SLF1: variants seen among roughly 807,000 people sequenced by gnomAD.
SLF1 encodes SMC5-SMC6 complex localization factor protein 1.
In SLF1, 105 loss-of-function variants were observed where a neutral mutation model predicts 123.0. The observed-to-expected ratio is 0.85, with a 90% CI of 0.73 to 1.00. The LOEUF is 1.00. Ranked by LOEUF, SLF1 falls within the 50% of genes least tolerant of loss-of-function variation. The pLI, the probability that SLF1 is intolerant of heterozygous loss-of-function variation, is 0.00. For missense variants in SLF1, 1,239 were observed against 1,223.0 expected (o/e 1.01, Z -0.20); for synonymous variants, 434 against 406.6 (o/e 1.07, Z -0.81).
chr5:94,635,916 G>C (rs1284977377), intron 4 of SLF1, among the ~76,000 whole-genome samples: 3 of 152,038 alleles, frequency 2.0e-5, no homozygotes, highest in Non-Finnish European at 4.4e-5. Flanking sequence ...TATGTTTTAT[G>C]TTATTAGTGG....
At chr5:94,684,270 A>T (rs1298785647) in intron 15 of SLF1, among the ~76,000 whole-genome samples, 2 of 152,198 alleles carry the variant, frequency 1.3e-5, no homozygotes, top group Non-Finnish European at 2.9e-5. Flanking sequence ...ATAATTAGAG[A>T]TTAAATGTTC....
At chr5:94,644,334 C>G (rs1585135668) in intron 5 of SLF1, among the ~76,000 whole-genome samples, 1 of 152,102 alleles carries the variant, frequency 6.6e-6, no homozygotes, top group East Asian at 1.9e-4. Context: ...AAAGAGCAAT[C>G]AAAATGCTCT....
intron 5 of SLF1, among the ~76,000 whole-genome samples, chr5:94,644,732 A>G (rs780879484): frequency 6.6e-6 from 1 of 152,182 alleles, no homozygotes; most frequent in Admixed American, 6.5e-5. Flanking sequence ...AGGTTCACCT[A>G]TGTGTTCTCA....
At chr5:94,635,517 G>T (rs1470540001) in intron 4 of SLF1, among the ~76,000 whole-genome samples, 1 of 150,768 alleles carries the variant, frequency 6.6e-6, no homozygotes, top group African/African-American at 2.4e-5. Context: ...TTCTTCCTAT[G>T]TTGCTGTCTT....
chr5:94,643,334 C>G lies in SLF1; in HGVS notation c.493C>G (p.His165Asp). Residue 165 changes from histidine (H) to aspartate (D), a missense_variant, in exon 5 of 21, where the codon CAT becomes GAT. Transcript: ENST00000265140. ...AAAAAGTTCACCAAGTGGAATAACT[C>G]ATGTGATTGCCAGTAATGCAAGAAT... Reference protein sequence around the residue: ...LPKSSPSGITHVIASNARIKA... With the variant: ...LPKSSPSGITDVIASNARIKA... 6.5e-7 allele frequency: 1 copy of G among 1,544,886 alleles called. No homozygotes were observed. Among genetic ancestry groups the G allele is most frequent in the Non-Finnish European group, 8.7e-7 (1 of 1,143,808 alleles).
intron 5 of SLF1, among the ~76,000 whole-genome samples, chr5:94,644,174 G>A (rs764261148): frequency 6.6e-6 from 1 of 151,868 alleles, no homozygotes; most frequent in Non-Finnish European, 1.5e-5. Context: ...TCTTTCCTCT[G>A]CACTTCTGTA....
rs952818692 is a variant in SLF1, at chr5:94,670,847, T to C, written c.1666T>C (p.Tyr556His). Residue 556 changes from tyrosine to histidine, a missense_variant, in exon 14 of 21, where the codon TAT (tyrosine) becomes CAT (histidine). Physicochemically the swap from Tyr to His is moderately conservative, Grantham distance 83 (BLOSUM62 2). Transcript: ENST00000265140. ...SEVQHLSQKLYDWSDSQNLKI... is the reference protein window; with the variant it reads ...SEVQHLSQKLHDWSDSQNLKI... ...TTTTGTTTATATTTTAATTAGGTTG[T>C]ATGACTGGTCAGATTCTCAGAATCT... 1 of 1,548,350 alleles carries C rather than the reference T, an allele frequency of 6.5e-7. No individual in the cohort carries two copies. The highest frequency in any genetic ancestry group is 8.7e-7 in the Non-Finnish European group (1 of 1,144,716).
Position 94,630,567 on chromosome 5 carries a change from A to G in SLF1, c.255A>G (p.Glu85=). The G allele has an allele frequency of 1.3e-6, 2 of 1,551,688 alleles. No homozygotes were observed. Among genetic ancestry groups the G allele is most frequent in the Non-Finnish European group, 1.7e-6 (2 of 1,146,980 alleles). The part of the protein sequence containing the change: ...HSAKSGRWLD[E]TTYEWGYKIE... ...CCAAAAGTGGCAGATGGCTTGATGA[A>G]ACAACTTATGAATGGGGATATAAAA... Residue 85 remains glutamate (E), a synonymous_variant, in exon 4 of 21, where the codon GAA becomes GAG. Transcript: ENST00000265140.
rs973768026 is a variant in SLF1 at position 94,620,735 on chromosome 5, A to G, written c.-1+1970A>G. On this transcript the variant is annotated intron_variant, in intron 1 of 20. Transcript: ENST00000265140. ...TTGTAGTTGACTCTTTGAATATACT[A>G]ATAGAAAATATATCTGTATAATGTA... Among the ~76,000 whole-genome samples the G allele has an allele frequency of 2.6e-5, 4 of 152,218 alleles. 1 individual carries two copies. Among genetic ancestry groups the G allele is most frequent in the African/African-American group, 9.6e-5 (4 of 41,474 alleles).
intron 16 of SLF1, among the ~76,000 whole-genome samples, 195 bp from the exon 17 acceptor site, chr5:94,688,311 G>C (rs2270626): frequency 0.22 from 33,871 of 151,928 alleles, 3,888 homozygotes; most frequent in East Asian, 0.35. Flanking sequence ...TGTTTTTCTG[G>C]TTGTTCACAT....
At chr5:94,654,288 A>G (rs1292884580) in intron 8 of SLF1, among the ~76,000 whole-genome samples, 1 of 152,126 alleles carries the variant, frequency 6.6e-6, no homozygotes, top group Non-Finnish European at 1.5e-5. Flanking sequence ...TTGTATGACC[A>G]TGGCAACAAC....
chr5:94,682,664 A>G (rs1306849295), intron 15 of SLF1, among the ~76,000 whole-genome samples: 1 of 152,248 alleles, frequency 6.6e-6, no homozygotes. Context: ...GAAGATAAAT[A>G]AAATTTTTTC....
intron 6 of SLF1, among the ~76,000 whole-genome samples, chr5:94,651,275 C>T (rs1747692827): frequency 6.6e-6 from 1 of 152,188 alleles, no homozygotes; most frequent in African/African-American, 2.4e-5. Flanking sequence ...ACGAAATCAA[C>T]TAACGATGTA....
At chr5:94,633,645 G>T (rs547495016) in intron 4 of SLF1, among the ~76,000 whole-genome samples, 6 of 152,296 alleles carry the variant, frequency 3.9e-5, no homozygotes, top group African/African-American at 1.4e-4. Flanking sequence ...CAAAGACATG[G>T]TTGTGTACTA....
rs369113101 is a variant in SLF1, at chr5:94,695,351, C to T, written c.*39C>T. The T allele has an allele frequency of 1.5e-4, 237 of 1,558,602 alleles. No homozygotes were observed. The highest frequency in any genetic ancestry group is 1.0e-3 in the South Asian group (80 of 80,192). Reference sequence around the variant, plus strand: ...TATGGATTGACTTTCTAAATCTGTTCAGTTTGCATTGGTACTTACTGTGGA... The same window carrying T: ...TATGGATTGACTTTCTAAATCTGTTTAGTTTGCATTGGTACTTACTGTGGA... On this transcript the variant is annotated 3_prime_UTR_variant, in exon 21 of 21. Transcript: ENST00000265140.
At chr5:94,669,625 A>G (rs1750209482) in intron 12 of SLF1, among the ~76,000 whole-genome samples, 1 of 152,086 alleles carries the variant, frequency 6.6e-6, no homozygotes, top group Non-Finnish European at 1.5e-5. Flanking sequence ...TAGAACATAT[A>G]CATCATCACA....
chr5:94,637,051 A>G (rs377040231), intron 4 of SLF1, among the ~76,000 whole-genome samples: 83 of 152,252 alleles, frequency 5.5e-4, no homozygotes, highest in African/African-American at 1.7e-3. Flanking sequence ...TTCTTTGTCT[A>G]TCATTCTGTA....
rs368974602 is a variant in SLF1 at position 94,649,525 on chromosome 5, C to T, written c.666C>T (p.Asn222=). Residue 222 remains asparagine (N), a synonymous_variant, in exon 6 of 21, where the codon AAC becomes AAT. Transcript: ENST00000265140. ...VWTEHSNEET[N]KDFRKDAGFL... ...CTGAACATAGCAATGAAGAAACAAA[C>T]AAAGATTTCAGGAAAGATGCAGGAT... The T allele has an allele frequency of 4.9e-5, 76 of 1,542,014 alleles. No homozygotes were observed. Among genetic ancestry groups the T allele is most frequent in the Non-Finnish European group, 6.4e-5 (73 of 1,140,274 alleles).
At chr5:94,675,767 C>T (rs1431914271) in intron 14 of SLF1, among the ~76,000 whole-genome samples, 1 of 152,060 alleles carries the variant, frequency 6.6e-6, no homozygotes, top group Non-Finnish European at 1.5e-5. Flanking sequence ...CTCGAAATCA[C>T]TGCAAGACCT....
Sources: gnomAD v4.1 joint callset for allele counts (sites outside exome capture counted in the v4.1 genomes callset) on GRCh38, gnomAD v4.1.1 for gene constraint, MANE v1.5 for transcripts, NCBI Gene and HGNC (gene_info 2026-07-23, HGNC 2026-07-21) for gene names.